The following RYR2 variants were observed in gnomAD, a reference collection of about 807,000 sequenced individuals.
RYR2 encodes the protein cardiac muscle ryanodine receptor-calcium release channel.
RYR2 carries 227 observed loss-of-function variants against 601.1 expected under a neutral mutation model. The observed-to-expected ratio is 0.38, with a 90% CI of 0.34 to 0.42. The LOEUF (loss-of-function observed/expected upper bound fraction) is 0.42. Among genes scored for constraint, RYR2 ranks in the 10% least tolerant of loss-of-function variants. The pLI is 1.00. For missense variants in RYR2, 4,646 were observed against 6,156.5 expected, an observed-to-expected ratio of 0.75 and a Z score of 8.21; for synonymous variants, 2,223 against 2,175.1, an observed-to-expected ratio of 1.02 and a Z score of -0.61.
intron 23 of RYR2, 118 bp from the exon 24 acceptor site, chr1:237,511,570 G>T: frequency 1.4e-6 from 1 of 740,442 alleles, no homozygotes; most frequent in South Asian, 1.6e-5. Flanking sequence ...CTTTGCAGGG[G>T]TAATGATCTG....
intron 2 of RYR2, among the ~76,000 whole-genome samples, chr1:237,286,268 G>A (rs1409728987): frequency 1.3e-5 from 2 of 151,858 alleles, no homozygotes; most frequent in South Asian, 2.1e-4. Flanking sequence ...TCTTGGTTTC[G>A]TTTTTGACCC....
chr1:237,676,704 C>G (rs1235313857), intron 60 of RYR2, among the ~76,000 whole-genome samples: 1 of 152,170 alleles, frequency 6.6e-6, no homozygotes, highest in Non-Finnish European at 1.5e-5. Context: ...CAGCATATCT[C>G]TAATGTAGCC....
At chr1:237,789,460 TA>T (rs1358548689) in intron 92 of RYR2, among the ~76,000 whole-genome samples, 7 of 25,368 alleles carry the variant, frequency 2.8e-4, no homozygotes, top group Non-Finnish European at 3.8e-4. Flanking sequence ...GTTTCCTAGA[TA>T]ACTAACTCTG....
intron 1 of RYR2, among the ~76,000 whole-genome samples, chr1:237,232,623 T>G (rs1685118869): frequency 6.6e-6 from 1 of 152,174 alleles, no homozygotes; most frequent in Non-Finnish European, 1.5e-5. Context: ...CTCCAGATCC[T>G]CGCAACTTGA....
intron 79 of RYR2, among the ~76,000 whole-genome samples, chr1:237,735,406 T>C (rs992060483): frequency 6.6e-6 from 1 of 152,168 alleles, no homozygotes; most frequent in Non-Finnish European, 1.5e-5. Context: ...TGCTTGTTTT[T>C]AAAGAGAGAG....
At position 237,797,645 on chromosome 1, in the gene RYR2, G is replaced by C. The variant is rs986237134; in HGVS notation, c.13957-392G>C. On this transcript the variant is annotated intron_variant, in intron 96 of 104. Coordinates refer to ENST00000366574, the MANE Select transcript of RYR2 (RefSeq NM_001035.3). ...CTAAGGTACAGTTTCTTTATCTGCA[G>C]AATATCAATAACGTGAAACCTACAT... 2.6e-5 allele frequency among the ~76,000 whole-genome samples: 4 copies of C among 151,888 alleles called. No individual in the cohort carries two copies. The Admixed American group carries it at 2.6e-4, about 10-fold the overall frequency.
intron 1 of RYR2, among the ~76,000 whole-genome samples, chr1:237,075,356 C>G (rs1396012966): frequency 1.3e-5 from 2 of 150,304 alleles, no homozygotes; most frequent in South Asian, 2.1e-4. Flanking sequence ...GCATTTCCAT[C>G]TGAGGTACCC....
chr1:237,051,367 C>T (rs1288183676), intron 1 of RYR2, among the ~76,000 whole-genome samples: 1 of 146,498 alleles, frequency 6.8e-6, no homozygotes, highest in African/African-American at 2.5e-5. Flanking sequence ...CTCTTCTCTC[C>T]TCGGGGCTCA....
intron 1 of RYR2, among the ~76,000 whole-genome samples, chr1:237,087,625 T>C (rs1167966812): frequency 6.6e-6 from 1 of 152,084 alleles, no homozygotes; most frequent in Non-Finnish European, 1.5e-5. Flanking sequence ...CATTCGTATA[T>C]CTTGTTAGAA....
intron 1 of RYR2, among the ~76,000 whole-genome samples, chr1:237,081,808 C>T (rs1347525541): frequency 3.3e-5 from 5 of 152,098 alleles, no homozygotes; most frequent in Non-Finnish European, 5.9e-5. Flanking sequence ...CATGAAAAGT[C>T]TTCAGTTTCT....
chr1:237,685,251 A>G (rs1402950425), intron 62 of RYR2, among the ~76,000 whole-genome samples: 1 of 152,230 alleles, frequency 6.6e-6, no homozygotes, highest in Non-Finnish European at 1.5e-5. Context: ...TATAGTTTCT[A>G]TGAATACCAT....
intron 62 of RYR2, among the ~76,000 whole-genome samples, chr1:237,684,259 A>G (rs1347192858): frequency 6.6e-6 from 1 of 152,032 alleles, no homozygotes; most frequent in Non-Finnish European, 1.5e-5. Flanking sequence ...TCTGAATGCC[A>G]CCTATGTACG....
chr1:237,832,202 CTTTT>C (rs34580579), intron 104 of RYR2, among the ~76,000 whole-genome samples: 1 of 148,544 alleles, frequency 6.7e-6, no homozygotes, highest in African/African-American at 2.5e-5. Flanking sequence ...CCACACCTGG[CTTTT>C]TTTTGTGTTT....
chr1:237,693,858 T>C (rs1032329298), intron 63 of RYR2, among the ~76,000 whole-genome samples: 1 of 152,234 alleles, frequency 6.6e-6, no homozygotes, highest in Non-Finnish European at 1.5e-5. Flanking sequence ...TTGATACTTC[T>C]AATATCTCTC....
chr1:237,579,653 A>G (rs1341542979), intron 29 of RYR2, among the ~76,000 whole-genome samples: 2 of 152,178 alleles, frequency 1.3e-5, no homozygotes, highest in Admixed American at 6.6e-5. Context: ...GAGCTCCTAT[A>G]TTAAACCTAA....
chr1:237,398,379 G>A (rs1241546029), intron 10 of RYR2, among the ~76,000 whole-genome samples: 1 of 152,132 alleles, frequency 6.6e-6, no homozygotes, highest in East Asian at 1.9e-4. Context: ...TCTGATAAAG[G>A]ACTAGTATCT....
At chr1:237,367,311 T>C (rs1306842831) in intron 5 of RYR2, among the ~76,000 whole-genome samples, 2 of 152,112 alleles carry the variant, frequency 1.3e-5, no homozygotes, top group African/African-American at 4.8e-5. Flanking sequence ...AGGCTGGTCT[T>C]GAACTCCTGA....
At chr1:237,386,773 C>T (rs1701985909) in intron 8 of RYR2, among the ~76,000 whole-genome samples, 1 of 152,062 alleles carries the variant, frequency 6.6e-6, no homozygotes, top group South Asian at 2.1e-4. Flanking sequence ...TAGGAAATAT[C>T]GCCATCTAAT....
At position 237,388,076 on chromosome 1, in the gene RYR2, T is replaced by C. The variant is rs10754602; in HGVS notation, c.677-11T>C. ...GACAGTCCAGACCTGAATGATTTTT[T>C]ATCCTTACAGGGTATCTCATTGGTG... On this transcript the variant is annotated splice_polypyrimidine_tract_variant and intron_variant, in intron 9 of 104. Transcript: ENST00000366574. The C allele has an allele frequency of 3.7e-6, 6 of 1,611,298 alleles. No homozygotes were observed. The highest frequency in any genetic ancestry group is 4.2e-6 in the Non-Finnish European group (5 of 1,178,262).
Sources: gnomAD v4.1 joint callset for allele counts (sites outside exome capture counted in the v4.1 genomes callset) on GRCh38, gnomAD v4.1.1 for gene constraint, MANE v1.5 for transcripts, NCBI Gene and HGNC (gene_info 2026-07-23, HGNC 2026-07-21) for gene names.